Variants in LARP7 observed in about 807,000 individuals in gnomAD.
The protein encoded by LARP7 is La ribonucleoprotein 7, transcriptional regulator.
Under a neutral mutation model 69.3 loss-of-function variants are expected in LARP7, and 52 were observed. That is an observed-to-expected ratio of 0.75 (90% CI 0.60 to 0.95). The LOEUF (loss-of-function observed/expected upper bound fraction) is 0.95. Ranked by LOEUF, LARP7 falls within the 40% of genes least tolerant of loss-of-function variation. The probability of loss-of-function intolerance (pLI) is 0.00; values close to 1 mark genes in which losing one functional copy is unlikely to be tolerated. For missense variants in LARP7, 733 were observed against 673.0 expected (o/e 1.09, Z -0.99); for synonymous variants, 254 against 215.9 (o/e 1.18, Z -1.55).
chr4:112,655,474 C>A (rs1018727379), intron 12 of LARP7: 2 of 152,154 alleles, frequency 1.3e-5, no homozygotes, highest in Non-Finnish European at 2.9e-5. Flanking sequence ...AGCCAGTTGA[C>A]TCTTGTCGTG....
intron 10 of LARP7, 135 bp from the exon 11 acceptor site, chr4:112,652,942 C>A: frequency 2.1e-6 from 1 of 471,414 alleles, no homozygotes; most frequent in Non-Finnish European, 3.6e-6. Context: ...ATATTTGATA[C>A]AGGATATTTG....
At chr4:112,652,434 A>T (rs1031800184) in intron 10 of LARP7, among the ~76,000 whole-genome samples, 3 of 152,022 alleles carry the variant, frequency 2.0e-5, no homozygotes, top group African/African-American at 7.2e-5. Context: ...AAAGTTGATT[A>T]AGAATGCAGG....
intron 12 of LARP7, among the ~76,000 whole-genome samples, chr4:112,655,146 T>G (rs2048906126): frequency 6.6e-6 from 1 of 152,164 alleles, no homozygotes. Flanking sequence ...TGGGGAAGCC[T>G]CCTGTGCTTC....
intron 8 of LARP7, chr4:112,648,075 C>G: frequency 1.6e-6 from 1 of 620,536 alleles, no homozygotes; most frequent in Non-Finnish European, 3.2e-6. Context: ...GTAGAGGGGG[C>G]CCCTTAACAG....
chr4:112,653,492 T>A (rs1243668990), intron 11 of LARP7, among the ~76,000 whole-genome samples: 1 of 151,836 alleles, frequency 6.6e-6, no homozygotes, highest in Non-Finnish European at 1.5e-5. Flanking sequence ...ATATTTTTAT[T>A]TTATTTTTTG....
Position 112,644,789 on chromosome 4 carries a change from G to A in LARP7, c.120G>A (p.Lys40=). The change falls in exon 2 of 13, where the codon AAG becomes AAA. Residue 40 remains lysine, a synonymous_variant. Coordinates refer to ENST00000344442, the MANE Select transcript of LARP7 (RefSeq NM_016648.4). The part of the protein sequence containing the change: ...RVKQVLADIA[K]QVDFWFGDAN... ...AACAGGTGCTTGCAGATATTGCTAA[G>A]CAAGTGGACTTCTGGTTTGGGGATG... 1 of 1,608,836 alleles carries A rather than the reference G, an allele frequency of 6.2e-7. No individual in the cohort carries two copies. The highest frequency in any genetic ancestry group is 8.5e-7 in the Non-Finnish European group (1 of 1,176,614).
chr4:112,652,600 C>G lies in LARP7; in HGVS notation c.1417-477C>G, dbSNP rs189339336. Among the ~76,000 whole-genome samples the G allele has an allele frequency of 7.9e-5, 12 of 151,780 alleles. No homozygotes were observed. The East Asian group carries it at 2.3e-3, about 29-fold the overall frequency. On this transcript the variant is annotated intron_variant, in intron 10 of 12. Coordinates refer to ENST00000344442, the MANE Select transcript of LARP7 (RefSeq NM_016648.4). Reference sequence around the variant, plus strand: ...ATCTAGTATTTTAGGTTTGGTTAAACTGTTTTTCATGAGTTGTTATTAAAA... The same window carrying G: ...ATCTAGTATTTTAGGTTTGGTTAAAGTGTTTTTCATGAGTTGTTATTAAAA...
At chr4:112,645,225 G>A (rs1432443859) in intron 2 of LARP7, among the ~76,000 whole-genome samples, 5 of 152,146 alleles carry the variant, frequency 3.3e-5, no homozygotes, top group African/African-American at 4.8e-5. Context: ...GATTACAGGC[G>A]TGAGCCACTA....
intron 12 of LARP7, among the ~76,000 whole-genome samples, chr4:112,656,110 A>G (rs941512060): frequency 6.6e-6 from 1 of 152,186 alleles, no homozygotes; most frequent in African/African-American, 2.4e-5. Flanking sequence ...GGCTCTTAAT[A>G]TTCACATTAT....
intron 10 of LARP7, among the ~76,000 whole-genome samples, 165 bp downstream of exon 10, chr4:112,650,747 T>C (rs1295440494): frequency 6.6e-6 from 1 of 152,212 alleles, no homozygotes; most frequent in Non-Finnish European, 1.5e-5. Flanking sequence ...AGGTTTAATT[T>C]TGAAGCAAAA....
intron 8 of LARP7, chr4:112,648,535 TC>T (rs759066554): frequency 1.7e-5 from 9 of 531,216 alleles, no homozygotes; most frequent in Non-Finnish European, 3.1e-5. Flanking sequence ...AGAAAGCACT[TC>T]CATGTTAAAG....
chr4:112,651,459 AGACAGCTGAAAATTGAGG>A (rs1171343132), intron 10 of LARP7, among the ~76,000 whole-genome samples: 2 of 152,298 alleles, frequency 1.3e-5, no homozygotes, highest in East Asian at 3.9e-4. Context: ...GCATTTCAGG[AGACAGCTGAAAATTGAGG>A]GATGTAAATA....
rs2048270178 is a variant in LARP7, at chr4:112,646,659, C to T, written c.375C>T (p.Arg125=). The change falls in exon 4 of 13, where the codon CGC becomes CGT. Residue 125 remains arginine (R), a synonymous_variant. Transcript: ENST00000344442. ...AAAGACCAAAGGATGAGGATGAACG[C>T]ACAGTGTATGTGGTAAGCTTAAGAA... ...LGERPKDEDE[R]TVYVELLPKN... 1 of 1,605,404 alleles carries T rather than the reference C, an allele frequency of 6.2e-7. No homozygotes were observed. Among genetic ancestry groups the T allele is most frequent in the African/African-American group, 1.3e-5 (1 of 74,646 alleles).
chr4:112,641,942 G>T (rs970486916), intron 1 of LARP7, among the ~76,000 whole-genome samples: 23 of 152,180 alleles, frequency 1.5e-4, no homozygotes, highest in Non-Finnish European at 3.1e-4. Flanking sequence ...GAAAGAATGA[G>T]TGTGTAAATG....
intron 11 of LARP7, 137 bp from the exon 12 acceptor site, chr4:112,653,931 T>C (rs2048858583): frequency 3.1e-6 from 2 of 651,754 alleles, no homozygotes; most frequent in African/African-American, 3.6e-5. Flanking sequence ...TTTTTTCTAT[T>C]CTGTAATATG....
intron 11 of LARP7, among the ~76,000 whole-genome samples, chr4:112,653,452 G>A (rs1250830357): frequency 6.6e-6 from 1 of 151,906 alleles, no homozygotes; most frequent in Non-Finnish European, 1.5e-5. Flanking sequence ...TGGGATTACA[G>A]GCGTGTGTTA....
chr4:112,655,779 T>C (rs1560954759), intron 12 of LARP7, among the ~76,000 whole-genome samples: 1 of 152,098 alleles, frequency 6.6e-6, no homozygotes, highest in Non-Finnish European at 1.5e-5. Context: ...TCTGGAAAAC[T>C]CTCTGCAAAG....
chr4:112,652,519 G>C (rs2048792104), intron 10 of LARP7, among the ~76,000 whole-genome samples: 1 of 152,076 alleles, frequency 6.6e-6, no homozygotes, highest in Non-Finnish European at 1.5e-5. Flanking sequence ...AACTTGTTTA[G>C]AAGAGGTTAC....
chr4:112,649,897 A>G (rs963055471), intron 9 of LARP7: 36 of 334,086 alleles, frequency 1.1e-4, no homozygotes, highest in Middle Eastern at 9.0e-4. Context: ...AATTTTTTAA[A>G]TAACCTGAGT....
Sources: allele counts gnomAD v4.1 joint callset (sites outside exome capture counted in the v4.1 genomes callset), GRCh38; gene constraint gnomAD v4.1.1; transcripts MANE v1.5; gene names NCBI Gene and HGNC (gene_info 2026-07-23, HGNC 2026-07-21).